DPP10: variants seen among roughly 807,000 people sequenced by gnomAD.
DPP10 encodes dipeptidyl peptidase like 10.
In DPP10, 33 loss-of-function variants were observed where a neutral mutation model predicts 120.9. That is an observed-to-expected ratio of 0.27 (90% CI 0.21 to 0.37). The LOEUF is 0.37. Ranked by LOEUF, DPP10 falls within the 10% of genes least tolerant of loss-of-function variation. The pLI is 1.00. For missense variants in DPP10, 816 were observed against 942.8 expected (o/e 0.87, Z 1.76); for synonymous variants, 337 against 326.1 (o/e 1.03, Z -0.36).
intron 1 of DPP10, among the ~76,000 whole-genome samples, chr2:115,079,526 A>T (rs1708091657): frequency 6.6e-6 from 1 of 152,158 alleles, no homozygotes; most frequent in African/African-American, 2.4e-5. Context: ...TTGGGGTGGC[A>T]TCACTTTCTC....
chr2:114,702,867 A>T (rs1459084840), intron 1 of DPP10, among the ~76,000 whole-genome samples: 7 of 152,166 alleles, frequency 4.6e-5, no homozygotes, highest in Non-Finnish European at 5.9e-5. Flanking sequence ...CCCAGAAGAT[A>T]GTCCAGAAAG....
chr2:115,200,694 G>A (rs2055643163), intron 1 of DPP10, among the ~76,000 whole-genome samples: 1 of 152,102 alleles, frequency 6.6e-6, no homozygotes, highest in Non-Finnish European at 1.5e-5. Flanking sequence ...GTTCTACCTA[G>A]GACCACTCTG....
intron 19 of DPP10, among the ~76,000 whole-genome samples, chr2:115,791,591 AGT>A (rs1326597453): frequency 1.3e-5 from 2 of 152,236 alleles, no homozygotes; most frequent in African/African-American, 2.4e-5. Flanking sequence ...TGCCAGGAAT[AGT>A]GACACTAAAT....
intron 1 of DPP10, among the ~76,000 whole-genome samples, chr2:115,253,657 C>T (rs1156640395): frequency 6.6e-6 from 1 of 152,234 alleles, no homozygotes. Flanking sequence ...AACCTCAAAA[C>T]TTCAAAATAA....
intron 1 of DPP10, among the ~76,000 whole-genome samples, chr2:114,898,002 A>G (rs1391284434): frequency 1.3e-5 from 2 of 152,232 alleles, no homozygotes; most frequent in African/African-American, 4.8e-5. Flanking sequence ...TACTGGGTGT[A>G]TACCCAAAGG....
At chr2:114,884,207 T>C (rs745580204) in intron 1 of DPP10, among the ~76,000 whole-genome samples, 1 of 152,308 alleles carries the variant, frequency 6.6e-6, no homozygotes, top group Non-Finnish European at 1.5e-5. Context: ...GCCTCTACTG[T>C]TTTCATTAGT....
chr2:115,263,266 G>A (rs899143499), intron 1 of DPP10, among the ~76,000 whole-genome samples: 1 of 152,170 alleles, frequency 6.6e-6, no homozygotes, highest in South Asian at 2.1e-4. Flanking sequence ...TTAATATCTT[G>A]TAACACATAA....
chr2:115,396,125 CA>C (rs1306465651), intron 3 of DPP10, among the ~76,000 whole-genome samples: 2 of 152,066 alleles, frequency 1.3e-5, no homozygotes, highest in Non-Finnish European at 1.5e-5. Flanking sequence ...GATCACATTC[CA>C]GGCATGAGGA....
chr2:115,311,945 A>G (rs533881711), intron 2 of DPP10, among the ~76,000 whole-genome samples: 38 of 151,988 alleles, frequency 2.5e-4, no homozygotes, highest in African/African-American at 8.4e-4. Context: ...TTATAGAGAT[A>G]GGGTCTCTCT....
chr2:115,660,936 G>A (rs1351335999), intron 5 of DPP10, among the ~76,000 whole-genome samples: 5 of 150,992 alleles, frequency 3.3e-5, no homozygotes, highest in African/African-American at 9.7e-5. Flanking sequence ...AGAAGTAAAT[G>A]TGCAACCAGT....
At chr2:114,818,580 G>T (rs1310765678) in intron 1 of DPP10, among the ~76,000 whole-genome samples, 1 of 152,074 alleles carries the variant, frequency 6.6e-6, no homozygotes, top group Non-Finnish European at 1.5e-5. Flanking sequence ...TAGTTGTCTT[G>T]CAGTGATCTA....
chr2:114,996,295 CA>C (rs1701076897), intron 1 of DPP10, among the ~76,000 whole-genome samples: 1 of 152,152 alleles, frequency 6.6e-6, no homozygotes, highest in African/African-American at 2.4e-5. Flanking sequence ...ACCTGTAAAT[CA>C]CGTTCTACTT....
chr2:115,070,479 C>A (rs1707275256), intron 1 of DPP10, among the ~76,000 whole-genome samples: 3 of 152,116 alleles, frequency 2.0e-5, no homozygotes, highest in African/African-American at 7.2e-5. Flanking sequence ...ATCACATAAA[C>A]TAATTCAAAA....
chr2:114,965,504 A>T (rs528634255), intron 1 of DPP10, among the ~76,000 whole-genome samples: 1 of 152,262 alleles, frequency 6.6e-6, no homozygotes, highest in Admixed American at 6.5e-5. Context: ...GAGACTTTTG[A>T]TATAAATCTG....
intron 1 of DPP10, among the ~76,000 whole-genome samples, chr2:115,246,206 T>A (rs2058525643): frequency 1.3e-5 from 2 of 152,156 alleles, no homozygotes; most frequent in African/African-American, 4.8e-5. Flanking sequence ...CTGACTAGAT[T>A]CATTTAAATT....
intron 7 of DPP10, among the ~76,000 whole-genome samples, chr2:115,695,734 A>T (rs1009834800): frequency 2.0e-5 from 3 of 152,192 alleles, no homozygotes; most frequent in Non-Finnish European, 2.9e-5. Flanking sequence ...AAATTATTAG[A>T]TTCAAATTGT....
intron 1 of DPP10, among the ~76,000 whole-genome samples, chr2:115,022,033 C>T (rs781309054): frequency 5.9e-5 from 9 of 152,064 alleles, no homozygotes; most frequent in Admixed American, 1.3e-4. Context: ...TAAAAGCCAT[C>T]TATGACAAAC....
At chr2:115,649,558 A>G in intron 5 of DPP10, among the ~76,000 whole-genome samples, 1 of 152,064 alleles carries the variant, frequency 6.6e-6, no homozygotes. Flanking sequence ...CATCTTTTAC[A>G]ATAAAATTAA....
chr2:115,391,387 A>G (rs1446736508), intron 3 of DPP10, among the ~76,000 whole-genome samples: 1 of 152,174 alleles, frequency 6.6e-6, no homozygotes, highest in Non-Finnish European at 1.5e-5. Context: ...TATGGTAGCT[A>G]AAACAGTGCA....
Sources: gnomAD v4.1 joint callset for allele counts (sites outside exome capture counted in the v4.1 genomes callset) on GRCh38, gnomAD v4.1.1 for gene constraint, MANE v1.5 for transcripts, NCBI Gene and HGNC (gene_info 2026-07-23, HGNC 2026-07-21) for gene names.